Variants in KIF26B observed in about 807,000 individuals in gnomAD.
KIF26B encodes the protein kinesin-like protein KIF26B.
A neutral mutation model predicts 151.2 loss-of-function variants in KIF26B; 63 were observed. The ratio of observed to expected loss-of-function variants is 0.42; its 90% CI spans 0.34 to 0.51. The LOEUF is 0.51. Among genes scored for constraint, KIF26B ranks in the 20% least tolerant of loss-of-function variants. KIF26B has a pLI of 0.07. For missense variants in KIF26B, 2,813 were observed against 2,913.6 expected (o/e 0.97, Z 0.79); for synonymous variants, 1,357 against 1,262.1 (o/e 1.08, Z -1.59).
At chr1:245,662,758 TAC>T (rs1553301916) in intron 10 of KIF26B, among the ~76,000 whole-genome samples, 6 of 100,472 alleles carry the variant, frequency 6.0e-5, no homozygotes, top group Admixed American at 3.3e-4. Flanking sequence ...ATGATATATA[TAC>T]ACACACACAC....
intron 5 of KIF26B, among the ~76,000 whole-genome samples, chr1:245,586,655 G>T (rs1375107736): frequency 6.6e-6 from 1 of 151,354 alleles, no homozygotes; most frequent in Non-Finnish European, 1.5e-5. Flanking sequence ...AGGCCGAGGC[G>T]GGTGGATCAT....
At chr1:245,370,264 A>G (rs1429066522) in intron 3 of KIF26B, among the ~76,000 whole-genome samples, 2 of 152,092 alleles carry the variant, frequency 1.3e-5, no homozygotes, top group African/African-American at 4.8e-5. Context: ...ATGTTTCCCT[A>G]AAATATTATC....
At chr1:245,583,611 T>C (rs957069439) in intron 5 of KIF26B, among the ~76,000 whole-genome samples, 1 of 152,224 alleles carries the variant, frequency 6.6e-6, no homozygotes, top group Admixed American at 6.5e-5. Context: ...ACTAGAGCCC[T>C]CTCCAATGCT....
chr1:245,223,126 G>A (rs1457821539), intron 2 of KIF26B, among the ~76,000 whole-genome samples: 1 of 152,126 alleles, frequency 6.6e-6, no homozygotes, highest in Non-Finnish European at 1.5e-5. Flanking sequence ...GTGGGTAGAG[G>A]CCAGGGACGC....
Position 245,495,374 on chromosome 1 carries a change from GTACATATT to G in KIF26B, c.1167-45390_1167-45383del, listed in dbSNP as rs1369358443. 6.6e-6 allele frequency among the ~76,000 whole-genome samples: 1 copy of G among 152,070 alleles called. No individual in the cohort carries two copies. The highest frequency in any genetic ancestry group is 1.5e-5 in the Non-Finnish European group (1 of 68,012). ...ACATAATAATTGTACATATTTGTAG[GTACATATT>G]TATAGGATACAAAGTGATGATTTTG... On this transcript the variant is annotated intron_variant, in intron 4 of 14. Coordinates refer to ENST00000407071, the MANE Select transcript of KIF26B (RefSeq NM_018012.4). This position sits in a 1 kb window ranked among gnomAD's most constrained non-coding sequence, Gnocchi z 4.2.
Position 245,575,430 on chromosome 1 carries a change from G to A in KIF26B, c.1351-27147G>A, listed in dbSNP as rs146613523. On this transcript the variant is annotated intron_variant, in intron 5 of 14. Coordinates refer to ENST00000407071, the MANE Select transcript of KIF26B (RefSeq NM_018012.4). ...GCAGAGGTTGCAGTAAGCTGAGATC[G>A]TGCCACTATACTCCAGCCTGGGCAA... is the stretch of plus-strand genomic sequence containing the variant. Among the ~76,000 whole-genome samples, 361 of 151,936 alleles carry A rather than the reference G, an allele frequency of 2.4e-3. 6 individuals are homozygous for A. The highest frequency in any genetic ancestry group is 8.5e-3 in the African/African-American group (352 of 41,428).
At chr1:245,296,730 C>T (rs1671343928) in intron 2 of KIF26B, among the ~76,000 whole-genome samples, 1 of 152,200 alleles carries the variant, frequency 6.6e-6, no homozygotes, top group African/African-American at 2.4e-5. Context: ...GTCTAGAATT[C>T]CATCCCCTCT....
chr1:245,486,646 A>C lies in KIF26B; in HGVS notation c.1167-54121A>C, dbSNP rs1218058830. ...TGAAGGTTCAGCTTTATTTTATTTC[A>C]TTATTTATTTTACATTTTTTATTTT... On this transcript the variant is annotated intron_variant, in intron 4 of 14. Coordinates refer to ENST00000407071, the MANE Select transcript of KIF26B (RefSeq NM_018012.4). Among the ~76,000 whole-genome samples, 3 of 152,122 alleles carry C rather than the reference A, an allele frequency of 2.0e-5. No homozygotes were observed. In the East Asian group the frequency reaches 5.8e-4, roughly 29 times the overall value.
chr1:245,405,044 T>C (rs1328434404), intron 3 of KIF26B, among the ~76,000 whole-genome samples: 1 of 152,232 alleles, frequency 6.6e-6, no homozygotes, highest in Non-Finnish European at 1.5e-5. Flanking sequence ...TAAATAAGCA[T>C]ATTTTATTAA....
intron 10 of KIF26B, among the ~76,000 whole-genome samples, chr1:245,669,353 A>G (rs574804208): frequency 1.3e-5 from 2 of 152,316 alleles, no homozygotes; most frequent in South Asian, 4.2e-4. Flanking sequence ...ACAAATGAAA[A>G]GGCAATCTTA....
intron 4 of KIF26B, among the ~76,000 whole-genome samples, chr1:245,509,663 C>G (rs1041133962): frequency 6.6e-6 from 1 of 152,306 alleles, no homozygotes; most frequent in East Asian, 1.9e-4. Flanking sequence ...GATGGTCCCA[C>G]CAGCTCAATC....
chr1:245,367,076 G>A lies in KIF26B; in HGVS notation c.708G>A (p.Val236=), dbSNP rs1286432727. The change falls in exon 3 of 15, where the codon GTG becomes GTA. Residue 236 remains valine (V), a synonymous_variant. Coordinates refer to ENST00000407071, the MANE Select transcript of KIF26B (RefSeq NM_018012.4). This position sits in a 1 kb window ranked among gnomAD's most constrained non-coding sequence, Gnocchi z 4.2. ...CCACCCTGGTGGGGTCCCGGCACGT[G>A]GGTGGGCTCCAGCAGCCCAGAGACT... ...NIPTLVGSRH[V]GGLQQPRDWA... The A allele has an allele frequency of 1.2e-6, 2 of 1,602,284 alleles. No homozygotes were observed. Among genetic ancestry groups the A allele is most frequent in the South Asian group, 1.1e-5 (1 of 89,342 alleles).
At chr1:245,673,608 T>G (rs1311389244) in intron 10 of KIF26B, 1 of 152,266 alleles carries the variant, frequency 6.6e-6, no homozygotes, top group Non-Finnish European at 1.5e-5. Flanking sequence ...AATGTCAACC[T>G]TGAAGGGAGA....
At chr1:245,172,033 T>C (rs1392814082) in intron 2 of KIF26B, among the ~76,000 whole-genome samples, 1 of 151,964 alleles carries the variant, frequency 6.6e-6, no homozygotes, top group Admixed American at 6.6e-5. Flanking sequence ...GTTCATTCCA[T>C]CTCATTAACA....
chr1:245,286,811 C>T (rs553024898), intron 2 of KIF26B, among the ~76,000 whole-genome samples: 2 of 152,180 alleles, frequency 1.3e-5, no homozygotes, highest in South Asian at 2.1e-4. Flanking sequence ...AAATTTCATG[C>T]AATTTGAAAA....
intron 2 of KIF26B, among the ~76,000 whole-genome samples, chr1:245,157,100 A>G (rs1573677690): frequency 6.6e-6 from 1 of 151,616 alleles, no homozygotes; most frequent in Middle Eastern, 3.4e-3. Flanking sequence ...CGGAGCTGGC[A>G]TTTCCCACTG....
intron 1 of KIF26B, 55 bp from the exon 2 acceptor site, chr1:245,156,227 G>A (rs1668428732): frequency 6.6e-7 from 1 of 1,523,576 alleles, no homozygotes; most frequent in Admixed American, 2.1e-5. Flanking sequence ...CCCAGCTCCT[G>A]GGCGCTGCAG....
At chr1:245,406,521 A>G (rs558767554) in intron 3 of KIF26B, among the ~76,000 whole-genome samples, 2 of 152,284 alleles carry the variant, frequency 1.3e-5, no homozygotes, top group South Asian at 4.2e-4. Flanking sequence ...GGGACTGCCT[A>G]AAGATGTATG....
At chr1:245,443,232 G>A (rs796912892) in intron 4 of KIF26B, among the ~76,000 whole-genome samples, 22 of 138,290 alleles carry the variant, frequency 1.6e-4, no homozygotes, top group African/African-American at 4.6e-4. Context: ...CACCTACAGC[G>A]GTCATCTCCC....
Sources: allele counts gnomAD v4.1 joint callset (sites outside exome capture counted in the v4.1 genomes callset), GRCh38; gene constraint gnomAD v4.1.1; non-coding constraint Gnocchi (gnomAD v3.1); transcripts MANE v1.5; gene names NCBI Gene and HGNC (gene_info 2026-07-23, HGNC 2026-07-21).